Variants in ITSN2 observed in about 807,000 individuals in gnomAD.
ITSN2 encodes intersectin 2.
In ITSN2, 156 loss-of-function variants were observed where a neutral mutation model predicts 243.7. The ratio of observed to expected loss-of-function variants is 0.64; its 90% CI spans 0.56 to 0.73. ITSN2 has a LOEUF of 0.73. ITSN2 is among the 30% of genes least tolerant of loss of function. ITSN2 has a pLI of 0.00. For missense variants in ITSN2, 1,801 were observed against 1,996.1 expected (o/e 0.90, Z 1.86); for synonymous variants, 703 against 699.9 (o/e 1.00, Z -0.07).
intron 1 of ITSN2, among the ~76,000 whole-genome samples, chr2:24,328,610 G>T (rs1685427830): frequency 6.6e-6 from 1 of 151,962 alleles, no homozygotes; most frequent in African/African-American, 2.4e-5. Context: ...CTACAGGAAT[G>T]CTCCACCACA....
chr2:24,261,349 C>T (rs747873145), intron 21 of ITSN2, 99 bp from the exon 22 acceptor site: 21 of 962,796 alleles, frequency 2.2e-5, no homozygotes, highest in Non-Finnish European at 1.8e-5. Flanking sequence ...ACTGTGCTTA[C>T]ACACAATTTG....
intron 1 of ITSN2, among the ~76,000 whole-genome samples, chr2:24,329,054 A>C (rs1340439245): frequency 6.6e-6 from 1 of 152,212 alleles, no homozygotes; most frequent in Non-Finnish European, 1.5e-5. Flanking sequence ...CTCATCTATA[A>C]AAAATACTTT....
intron 29 of ITSN2, among the ~76,000 whole-genome samples, chr2:24,242,531 C>T (rs1232283952): frequency 2.6e-5 from 4 of 152,014 alleles, no homozygotes; most frequent in African/African-American, 9.7e-5. Flanking sequence ...TTTTCTGAAC[C>T]ATATCCTATT....
In ITSN2 at chr2:24,328,122, C is replaced by T. The variant is rs776391582; in HGVS notation, c.-33-7G>A. 2.5e-6 allele frequency: 4 copies of T among 1,608,604 alleles called. No individual in the cohort carries two copies. The highest frequency in any genetic ancestry group is 2.2e-5 in the South Asian group (2 of 90,686). Reference sequence around the variant, plus strand: ...CTTGCTAGCTCTCAGCCATCTGCAACATAAAAATATTGTGCCGTTGATAAT... The same window carrying T: ...CTTGCTAGCTCTCAGCCATCTGCAATATAAAAATATTGTGCCGTTGATAAT... On this transcript the variant is annotated splice_polypyrimidine_tract_variant and splice_region_variant and intron_variant, in intron 1 of 39. Transcript: ENST00000355123.
intron 31 of ITSN2, among the ~76,000 whole-genome samples, chr2:24,217,586 G>A (rs1443539134): frequency 3.9e-5 from 6 of 152,188 alleles, no homozygotes; most frequent in Non-Finnish European, 7.4e-5. Context: ...TATCTGCGCC[G>A]TGAGCTGCAG....
At chr2:24,254,522 G>A (rs957381835) in intron 23 of ITSN2, 91 bp from the exon 24 acceptor site, 26 of 910,894 alleles carry the variant, frequency 2.9e-5, no homozygotes, top group African/African-American at 8.3e-5. Context: ...TTTTAGTAGT[G>A]CATTTTTTAG....
chr2:24,313,653 A>C (rs897748379), intron 3 of ITSN2, 130 bp from the exon 4 acceptor site: 1 of 574,018 alleles, frequency 1.7e-6, no homozygotes, highest in Non-Finnish European at 3.0e-6. Flanking sequence ...GAATAAGTGA[A>C]ATAGAAACAC....
At chr2:24,277,670 A>G (rs1006155459) in intron 17 of ITSN2, among the ~76,000 whole-genome samples, 22 of 152,212 alleles carry the variant, frequency 1.4e-4, no homozygotes, top group Non-Finnish European at 1.5e-5. Context: ...TACTAGCTGT[A>G]TAACCTTAGG....
intron 15 of ITSN2, chr2:24,293,325 C>T (rs973086776): frequency 1.2e-5 from 2 of 165,904 alleles, no homozygotes; most frequent in Admixed American, 1.3e-4. Flanking sequence ...ATAAAGCCTC[C>T]TCCTGAACAG....
rs187176511 is a variant in ITSN2 at position 24,284,921 on chromosome 2, G to C, written c.1864-78C>G. On this transcript the variant is annotated intron_variant, in intron 16 of 39. Coordinates refer to ENST00000355123, the MANE Select transcript of ITSN2 (RefSeq NM_006277.3). ...TTTTTTTTTTTTTTTTTTTTGAGATGGAGTCTCACTCTGTCGCCAGGCTGG... is the reference window on the plus strand; with the variant it reads ...TTTTTTTTTTTTTTTTTTTTGAGATCGAGTCTCACTCTGTCGCCAGGCTGG... 1.6e-4 allele frequency: 108 copies of C among 667,530 alleles called. No individual in the cohort carries two copies. In the Admixed American group the frequency reaches 3.0e-3, roughly 18 times the overall value. 41.4% of individuals were successfully genotyped at this position (667,530 alleles called of 1,614,324 possible). A position where few individuals can be genotyped will look rare whatever the true frequency, so the allele number is the denominator to read the frequency against.
At chr2:24,221,221 T>G (rs989259067) in intron 29 of ITSN2, 155 bp from the exon 30 acceptor site, 4 of 712,366 alleles carry the variant, frequency 5.6e-6, no homozygotes, top group African/African-American at 1.8e-5. Context: ...GCAGCATGCG[T>G]ACGCGGAGAG....
In ITSN2 at chr2:24,357,143, T is replaced by C. The variant is rs60273275; in HGVS notation, c.-34+3161A>G. 1.7e-3 allele frequency among the ~76,000 whole-genome samples: 265 copies of C among 152,290 alleles called. 1 individual carries two copies. Among genetic ancestry groups the C allele is most frequent in the African/African-American group, 5.9e-3 (246 of 41,554 alleles). On this transcript the variant is annotated intron_variant, in intron 1 of 39. Coordinates refer to ENST00000355123, the MANE Select transcript of ITSN2 (RefSeq NM_006277.3). ...ATTAATGGGTATATACCCAAAGGAA[T>C]AGAAATCATTCTACTCTAAAGACAC...
Position 24,286,345 on chromosome 2 carries a change from CCT to C in ITSN2, c.1728_1729del (p.Val578GlnfsTer5). The stretch of plus-strand genomic sequence containing the variant: ...TGATTTTTTATGAAGTAAACTGACC[CCT>C]GAATCTGAAAAACAAACATCAGACA... On this transcript the variant is annotated frameshift_variant, in exon 16 of 40. Transcript: ENST00000355123. LOFTEE classifies it high-confidence loss of function. 6.2e-7 allele frequency: 1 copy of C among 1,610,364 alleles called. No homozygotes were observed. Among genetic ancestry groups the C allele is most frequent in the Non-Finnish European group, 8.5e-7 (1 of 1,178,176 alleles).
At chr2:24,261,329 T>A (rs1371461037) in intron 21 of ITSN2, 79 bp from the exon 22 acceptor site, 2 of 1,070,408 alleles carry the variant, frequency 1.9e-6, no homozygotes, top group Non-Finnish European at 2.7e-6. Flanking sequence ...TCAACTTACA[T>A]ATTATATACA....
intron 20 of ITSN2, 103 bp downstream of exon 20, chr2:24,270,568 A>G: frequency 6.2e-6 from 4 of 641,136 alleles, no homozygotes; most frequent in Non-Finnish European, 1.1e-5. Flanking sequence ...GAAACATTTT[A>G]CAAAGGTAAA....
chr2:24,317,978 G>A (rs537974489), intron 2 of ITSN2, among the ~76,000 whole-genome samples: 12 of 152,208 alleles, frequency 7.9e-5, no homozygotes, highest in Admixed American at 3.3e-4. Context: ...AGCAGTTTTA[G>A]GTTCACGGCA....
At chr2:24,223,667 G>C (rs1437023073) in intron 29 of ITSN2, among the ~76,000 whole-genome samples, 2 of 132,400 alleles carry the variant, frequency 1.5e-5, no homozygotes, top group Admixed American at 1.6e-4. Flanking sequence ...GGCCAGATAA[G>C]AGTGAGACCC....
In ITSN2 at chr2:24,204,311, TAAAG is replaced by T. The variant is rs1271338935; in HGVS notation, c.4866_4869del (p.Phe1622LeufsTer46). ...AGCACGTCTTGGTAGAGATCCTTAA[TAAAG>T]AACTGGCAGTTAAAATTCCACTTGG... On this transcript the variant is annotated frameshift_variant, in exon 39 of 40. Coordinates refer to ENST00000355123, the MANE Select transcript of ITSN2 (RefSeq NM_006277.3). LOFTEE classifies it high-confidence loss of function. This position sits in a 1 kb window ranked among gnomAD's most constrained non-coding sequence, Gnocchi z 5.1. 1.2e-6 allele frequency: 2 copies of T among 1,614,058 alleles called. No individual in the cohort carries two copies. The highest frequency in any genetic ancestry group is 3.3e-5 in the Admixed American group (2 of 60,006).
At chr2:24,239,484 G>C (rs76187210) in intron 29 of ITSN2, 3 of 151,928 alleles carry the variant, frequency 2.0e-5, no homozygotes, top group East Asian at 3.8e-4. Flanking sequence ...CTAAAAATCA[G>C]CTTTGGTTTT....
Sources: allele counts gnomAD v4.1 joint callset (sites outside exome capture counted in the v4.1 genomes callset), GRCh38; gene constraint gnomAD v4.1.1; non-coding constraint Gnocchi (gnomAD v3.1); transcripts MANE v1.5; gene names NCBI Gene and HGNC (gene_info 2026-07-23, HGNC 2026-07-21).